The following CUL5 variants were observed in gnomAD, a reference collection of about 807,000 sequenced individuals.
CUL5 encodes cullin-5.
CUL5 carries 26 observed loss-of-function variants against 108.8 expected under a neutral mutation model. The observed-to-expected ratio is 0.24, with a 90% CI of 0.18 to 0.33. The LOEUF (loss-of-function observed/expected upper bound fraction) is 0.33. CUL5 is among the 10% of genes least tolerant of loss of function. CUL5 has a pLI of 1.00. For missense variants in CUL5, 524 were observed against 909.2 expected (o/e 0.58, Z 5.45); for synonymous variants, 334 against 298.0 (o/e 1.12, Z -1.25).
chr11:108,083,434 G>T (rs894222157), intron 11 of CUL5, among the ~76,000 whole-genome samples: 3 of 152,172 alleles, frequency 2.0e-5, no homozygotes, highest in African/African-American at 7.2e-5. Flanking sequence ...GAGGATTGCT[G>T]GGTTTCTCTT....
chr11:108,088,766 T>A, intron 12 of CUL5, 107 bp downstream of exon 12: 2 of 845,966 alleles, frequency 2.4e-6, no homozygotes, highest in Non-Finnish European at 3.4e-6. Flanking sequence ...GTATTATCTG[T>A]AAAGAACTAA....
chr11:108,023,094 A>T (rs7938410), intron 1 of CUL5, among the ~76,000 whole-genome samples: 150,919 of 152,270 alleles, frequency 0.99, 74,808 homozygotes, highest in Middle Eastern at 1. Context: ...ACTAAAAAAA[A>T]TAGCCGGGCA....
chr11:108,101,208 CATT>C (rs1864655002), intron 18 of CUL5, among the ~76,000 whole-genome samples: 1 of 152,218 alleles, frequency 6.6e-6, no homozygotes, highest in Non-Finnish European at 1.5e-5. Flanking sequence ...CATCCTCATT[CATT>C]GCTATTTGCA....
intron 11 of CUL5, 70 bp from the exon 12 acceptor site, chr11:108,088,457 T>C (rs780988697): frequency 2.7e-6 from 4 of 1,466,148 alleles, no homozygotes; most frequent in African/African-American, 2.8e-5. Flanking sequence ...TTGTGAATCA[T>C]TGACTTTAGA....
intron 2 of CUL5, among the ~76,000 whole-genome samples, chr11:108,034,701 C>T (rs1296450435): frequency 1.3e-5 from 2 of 152,156 alleles, no homozygotes; most frequent in Non-Finnish European, 1.5e-5. Flanking sequence ...CCTCCTCCTC[C>T]GCTGTCTCTT....
chr11:108,066,233 C>T (rs1400380052), intron 7 of CUL5, among the ~76,000 whole-genome samples: 14 of 152,024 alleles, frequency 9.2e-5, no homozygotes, highest in Admixed American at 9.2e-4. Context: ...TGTCCCAGTA[C>T]TCAGGAGGCT....
intron 1 of CUL5, among the ~76,000 whole-genome samples, chr11:108,018,512 A>T (rs891580970): frequency 6.6e-6 from 1 of 151,836 alleles, no homozygotes; most frequent in Non-Finnish European, 1.5e-5. Flanking sequence ...ACTAAAAAAA[A>T]AAAAATACAA....
intron 11 of CUL5, among the ~76,000 whole-genome samples, chr11:108,079,105 A>T (rs897295178): frequency 2.6e-5 from 4 of 151,826 alleles, no homozygotes; most frequent in African/African-American, 9.6e-5. Flanking sequence ...TATTAATTTT[A>T]ATTTATTTAT....
intron 7 of CUL5, among the ~76,000 whole-genome samples, chr11:108,067,597 T>C (rs2135172983): frequency 6.6e-6 from 1 of 152,210 alleles, no homozygotes; most frequent in South Asian, 2.1e-4. Flanking sequence ...CAACATACAG[T>C]CTGAAACACA....
At chr11:108,085,742 G>A (rs927919733) in intron 11 of CUL5, among the ~76,000 whole-genome samples, 1 of 152,150 alleles carries the variant, frequency 6.6e-6, no homozygotes, top group African/African-American at 2.4e-5. Context: ...CCCAGAATCA[G>A]CACATCCATA....
At chr11:108,091,648 CA>C (rs1322263879) in intron 13 of CUL5, among the ~76,000 whole-genome samples, 1 of 148,880 alleles carries the variant, frequency 6.7e-6, no homozygotes, top group African/African-American at 2.5e-5. Context: ...GAGATCTTAC[CA>C]CTGTACTCCT....
At chr11:108,089,121 G>A (rs1257887397) in intron 12 of CUL5, among the ~76,000 whole-genome samples, 1 of 151,818 alleles carries the variant, frequency 6.6e-6, no homozygotes, top group Non-Finnish European at 1.5e-5. Flanking sequence ...TAAGATATTG[G>A]GCAAGTGTAG....
intron 1 of CUL5, among the ~76,000 whole-genome samples, chr11:108,027,800 C>A (rs1862488216): frequency 6.6e-6 from 1 of 152,194 alleles, no homozygotes; most frequent in Non-Finnish European, 1.5e-5. Context: ...GTTTCAGTAA[C>A]TTCCATATTG....
chr11:108,076,744 G>A (rs1863950578), intron 10 of CUL5, among the ~76,000 whole-genome samples: 2 of 152,136 alleles, frequency 1.3e-5, no homozygotes, highest in African/African-American at 2.4e-5. Flanking sequence ...AGGGATTGCT[G>A]GGATTATGAT....
chr11:108,089,264 A>G (rs1392037266), intron 12 of CUL5, among the ~76,000 whole-genome samples: 8 of 152,162 alleles, frequency 5.3e-5, no homozygotes, highest in African/African-American at 1.7e-4. Context: ...AATCTAAAAA[A>G]CTGATATTTA....
rs138873899 is a variant in CUL5 at position 108,069,136 on chromosome 11, A to G, written c.781-960A>G. On this transcript the variant is annotated intron_variant, in intron 7 of 18. Coordinates refer to ENST00000393094, the MANE Select transcript of CUL5 (RefSeq NM_003478.6). ...ACCAGACTTGATAGTACATCCCTGT[A>G]GTCCTAGCTACTCAAGAGGCTGAGG... is the stretch of plus-strand genomic sequence containing the variant. Among the ~76,000 whole-genome samples, 75 of 152,318 alleles carry G rather than the reference A, an allele frequency of 4.9e-4. No individual in the cohort carries two copies. The East Asian group carries it at 0.011, about 22-fold the overall frequency.
At chr11:108,103,621 T>A (rs1864722897) in intron 18 of CUL5, among the ~76,000 whole-genome samples, 1 of 152,226 alleles carries the variant, frequency 6.6e-6, no homozygotes, top group South Asian at 2.1e-4. Flanking sequence ...TATATTTTAA[T>A]TAATGTTTAA....
chr11:108,026,536 C>G (rs181401048), intron 1 of CUL5, among the ~76,000 whole-genome samples: 125 of 152,280 alleles, frequency 8.2e-4, no homozygotes, highest in African/African-American at 2.8e-3. Flanking sequence ...CTCCTCTTAG[C>G]CTGTAGTCAC....
chr11:108,014,864 AAG>A (rs1159993999), intron 1 of CUL5, among the ~76,000 whole-genome samples: 3 of 152,130 alleles, frequency 2.0e-5, no homozygotes, highest in Middle Eastern at 3.2e-3. Flanking sequence ...ACCAGGGTAA[AAG>A]AGAGAGTGCT....
Sources: allele counts gnomAD v4.1 joint callset (sites outside exome capture counted in the v4.1 genomes callset), GRCh38; gene constraint gnomAD v4.1.1; transcripts MANE v1.5; gene names NCBI Gene and HGNC (gene_info 2026-07-23, HGNC 2026-07-21).